TMEM275: variants seen among roughly 807,000 people sequenced by gnomAD.
TMEM275 encodes transmembrane protein 275.
At position 46,534,377 on chromosome 1, in the gene TMEM275, C is replaced by T. The variant is rs577941726; in HGVS notation, c.-123-727G>A. 3.3e-5 allele frequency among the ~76,000 whole-genome samples: 5 copies of T among 152,274 alleles called. No homozygotes were observed. The South Asian group carries it at 6.2e-4, about 19-fold the overall frequency. On this transcript the variant is annotated intron_variant, in intron 1 of 1. Transcript: ENST00000634804. ...CAGTGAGAGGGCACAGTCCCCACAT[C>T]GGCTGGCTTGGGCTGGAGCAGATCT...
In TMEM275 at chr1:46,534,908, T is replaced by A. The variant is rs536953357; in HGVS notation, c.-123-1258A>T. Among the ~76,000 whole-genome samples the A allele has an allele frequency of 4.6e-5, 7 of 152,274 alleles. 1 individual carries two copies. The South Asian group carries it at 1.5e-3, about 32-fold the overall frequency. ...CTCTTCTGTAATGTGGGGCTAATCA[T>A]AGAACCCACCTCATAGGGTACAGTG... On this transcript the variant is annotated intron_variant, in intron 1 of 1. Coordinates refer to ENST00000634804, the Ensembl canonical transcript of TMEM275.
At position 46,533,486 on chromosome 1, in the gene TMEM275, C is replaced by G; in HGVS notation, c.42G>C (p.Ala14=). The G allele has an allele frequency of 5.1e-6, 2 of 389,180 alleles. No homozygotes were observed. 24.1% of individuals were successfully genotyped at this position (389,180 alleles called of 1,614,324 possible). A position where few individuals can be genotyped will look rare whatever the true frequency, so the allele number is the denominator to read the frequency against. ...CCCGGCCCCGGGCGCGTTCCGCGGG[C>G]GCCGGGACCGGTGGCCCCTCGCTCT... is the stretch of plus-strand genomic sequence containing the variant. Residue 14 remains alanine (A), a synonymous_variant, in exon 2 of 2, where the codon GCG becomes GCC. Coordinates refer to ENST00000634804, the Ensembl canonical transcript of TMEM275. This position sits in a 1 kb window ranked among gnomAD's most constrained non-coding sequence, Gnocchi z 4.4.
Position 46,533,741 on chromosome 1 carries a change from G to A in TMEM275, c.-123-91C>T, listed in dbSNP as rs574068219. On this transcript the variant is annotated intron_variant, in intron 1 of 1. Coordinates refer to ENST00000634804, the Ensembl canonical transcript of TMEM275. This position sits in a 1 kb window ranked among gnomAD's most constrained non-coding sequence, Gnocchi z 4.4. ...TGTAGCTACACTGAGTGCCTGGGTG[G>A]GCAGAGGTCATCTTGGCCAGCCCCC... 2.8e-6 allele frequency: 1 copy of A among 360,802 alleles called. No individual in the cohort carries two copies. The highest frequency in any genetic ancestry group is 2.1e-5 in the African/African-American group (1 of 47,276). 22.4% of individuals were successfully genotyped at this position (360,802 alleles called of 1,614,324 possible). A position where few individuals can be genotyped will look rare whatever the true frequency, so the allele number is the denominator to read the frequency against.
chr1:46,532,839 C>T (rs1303173321), exon 2 of TMEM275: 2 of 383,724 alleles, frequency 5.2e-6, no homozygotes, highest in East Asian at 3.7e-5. Context: ...GATGAGGCCA[C>T]CTGAGCCCAG....
At chr1:46,534,668 A>G (rs1666714265) in intron 1 of TMEM275, among the ~76,000 whole-genome samples, 85 bp from the exon 2 acceptor site, 1 of 152,254 alleles carries the variant, frequency 6.6e-6, no homozygotes, top group Non-Finnish European at 1.5e-5. Flanking sequence ...TCTATAACGC[A>G]TAAGATCATA....
Position 46,533,564 on chromosome 1 carries a change from C to T in TMEM275, c.-37G>A. ...CGCCAGGCACGCATCAAGCTCCCTC[C>T]TGCCGCCGGCCCGGAACAGCCCAAC... is the stretch of plus-strand genomic sequence containing the variant. On this transcript the variant is annotated 5_prime_UTR_variant, in exon 2 of 2. Coordinates refer to ENST00000634804, the Ensembl canonical transcript of TMEM275. The surrounding 1 kb of genome is among the most constrained non-coding windows in gnomAD (Gnocchi z 4.4). The T allele has an allele frequency of 2.6e-6, 1 of 387,392 alleles. No individual in the cohort carries two copies. The allele number at this position is 387,392 out of a possible 1,614,324, so 24.0% of individuals were successfully genotyped here.
At position 46,533,547 on chromosome 1, in the gene TMEM275, A is replaced by G. The variant is rs1184807745; in HGVS notation, c.-20T>C. On this transcript the variant is annotated 5_prime_UTR_variant, in exon 2 of 2. Transcript: ENST00000634804. This position sits in a 1 kb window ranked among gnomAD's most constrained non-coding sequence, Gnocchi z 4.4. The stretch of plus-strand genomic sequence containing the variant: ...CGGCATCGGCCTGCGCACGCCAGGC[A>G]CGCATCAAGCTCCCTCCTGCCGCCG... 2.8e-5 allele frequency: 11 copies of G among 387,946 alleles called. No individual in the cohort carries two copies. The highest frequency in any genetic ancestry group is 4.2e-5 in the African/African-American group (2 of 48,066). The allele number at this position is 387,946 out of a possible 1,614,324, so 24.0% of individuals were successfully genotyped here. A position where few individuals can be genotyped will look rare whatever the true frequency, so the allele number is the denominator to read the frequency against.
Position 46,533,408 on chromosome 1 carries a change from C to G in TMEM275, c.120G>C (p.Leu40=), listed in dbSNP as rs1434328330. ...CCAGCGTCACGTTCACGCCCGCCAG[C>G]AGCGCGCACAGACCGCAGGCGCAGC... is the stretch of plus-strand genomic sequence containing the variant. Residue 40 remains leucine (L), a synonymous_variant, in exon 2 of 2, where the codon CTG becomes CTC. Transcript: ENST00000634804. The surrounding 1 kb of genome is among the most constrained non-coding windows in gnomAD (Gnocchi z 4.4). The G allele has an allele frequency of 1.6e-5, 6 of 378,836 alleles. No individual in the cohort carries two copies. In the East Asian group the frequency reaches 2.3e-4, roughly 14 times the overall value. 23.5% of individuals were successfully genotyped at this position (378,836 alleles called of 1,614,324 possible). A position where few individuals can be genotyped will look rare whatever the true frequency, so the allele number is the denominator to read the frequency against.
chr1:46,533,870 C>T lies in TMEM275; in HGVS notation c.-123-220G>A, dbSNP rs946217687. Reference sequence around the variant, plus strand: ...CTCGTGGCCAATCTTGCCATCCTCCCTCTCTCCTCACTTTTTTGTCCTCCA... The same window carrying T: ...CTCGTGGCCAATCTTGCCATCCTCCTTCTCTCCTCACTTTTTTGTCCTCCA... On this transcript the variant is annotated intron_variant, in intron 1 of 1. Coordinates refer to ENST00000634804, the Ensembl canonical transcript of TMEM275. The surrounding 1 kb of genome is among the most constrained non-coding windows in gnomAD (Gnocchi z 4.4). Among the ~76,000 whole-genome samples the T allele has an allele frequency of 1.3e-5, 2 of 152,174 alleles. No homozygotes were observed. Among genetic ancestry groups the T allele is most frequent in the African/African-American group, 2.4e-5 (1 of 41,428 alleles).
chr1:46,535,259 A>G (rs1016642032), intron 1 of TMEM275, among the ~76,000 whole-genome samples: 1 of 152,194 alleles, frequency 6.6e-6, no homozygotes, highest in African/African-American at 2.4e-5. Context: ...GCCTGTCCAG[A>G]GCTGATGACT....
In TMEM275 at chr1:46,533,495, C is replaced by A. The variant is rs1353945048; in HGVS notation, c.33G>T (p.Pro11=). Residue 11 remains proline, a synonymous_variant, in exon 2 of 2, where the codon CCG becomes CCT. Transcript: ENST00000634804. This position sits in a 1 kb window ranked among gnomAD's most constrained non-coding sequence, Gnocchi z 4.4. The stretch of plus-strand genomic sequence containing the variant: ...GGGCGCGTTCCGCGGGCGCCGGGAC[C>A]GGTGGCCCCTCGCTCTTTTCTGCCG... 2.6e-6 allele frequency: 1 copy of A among 389,086 alleles called. No homozygotes were observed. The highest frequency in any genetic ancestry group is 1.3e-4 in the South Asian group (1 of 7,768). 24.1% of individuals were successfully genotyped at this position (389,086 alleles called of 1,614,324 possible).
chr1:46,533,502 C>T lies in TMEM275; in HGVS notation c.26G>A (p.Gly9Glu), dbSNP rs1055065648. ...TTCCGCGGGCGCCGGGACCGGTGGC[C>T]CCTCGCTCTTTTCTGCCGGCGGCAT... The change falls in exon 2 of 2, where the codon GGG (glycine) becomes GAG (glutamate). Residue 9 changes from glycine (G) to glutamate (E), a missense_variant. Gly to Glu is a moderately conservative substitution (Grantham distance 98). Coordinates refer to ENST00000634804, the Ensembl canonical transcript of TMEM275. This position sits in a 1 kb window ranked among gnomAD's most constrained non-coding sequence, Gnocchi z 4.4. 2 of 388,984 alleles carry T rather than the reference C, an allele frequency of 5.1e-6. No individual in the cohort carries two copies. Among genetic ancestry groups the T allele is most frequent in the Non-Finnish European group, 9.1e-6 (2 of 219,838 alleles). The allele number at this position is 388,984 out of a possible 1,614,324, so 24.1% of individuals were successfully genotyped here. A position where few individuals can be genotyped will look rare whatever the true frequency, so the allele number is the denominator to read the frequency against.
chr1:46,534,439 T>G lies in TMEM275; in HGVS notation c.-123-789A>C, dbSNP rs1289763217. Among the ~76,000 whole-genome samples, 1 of 152,162 alleles carries G rather than the reference T, an allele frequency of 6.6e-6. No individual in the cohort carries two copies. The highest frequency in any genetic ancestry group is 1.5e-5 in the Non-Finnish European group (1 of 68,036). Reference sequence around the variant, plus strand: ...GCCCTTTCTAGACTGGGCATTCTATTAAATTCCAATCCTACCTCCATTCCA... The same window carrying G: ...GCCCTTTCTAGACTGGGCATTCTATGAAATTCCAATCCTACCTCCATTCCA... On this transcript the variant is annotated intron_variant, in intron 1 of 1. Transcript: ENST00000634804.
chr1:46,534,696 C>T (rs761575207), intron 1 of TMEM275, among the ~76,000 whole-genome samples, 113 bp from the exon 2 acceptor site: 20 of 152,178 alleles, frequency 1.3e-4, no homozygotes, highest in Non-Finnish European at 2.5e-4. Flanking sequence ...CAAAGGCCCT[C>T]AAAGGACGAG....
chr1:46,532,795 C>T, exon 2 of TMEM275: 1 of 376,534 alleles, frequency 2.7e-6, no homozygotes, highest in Non-Finnish European at 4.7e-6. Flanking sequence ...GACACCATCA[C>T]CACATTCTAC....
chr1:46,533,458 G>A lies in TMEM275; in HGVS notation c.70C>T (p.Pro24Ser), dbSNP rs1666697466. 3 of 385,518 alleles carry A rather than the reference G, an allele frequency of 7.8e-6. No homozygotes were observed. Among genetic ancestry groups the A allele is most frequent in the Admixed American group, 4.5e-5 (1 of 22,206 alleles). The allele number at this position is 385,518 out of a possible 1,614,324, so 23.9% of individuals were successfully genotyped here. The change falls in exon 2 of 2, where the codon CCC (proline) becomes TCC (serine). Residue 24 changes from proline (P) to serine (S), a missense_variant. Coordinates refer to ENST00000634804, the Ensembl canonical transcript of TMEM275. This position sits in a 1 kb window ranked among gnomAD's most constrained non-coding sequence, Gnocchi z 4.4. ...CACAGCGCCGGCGACGGCAGGCCGGGCACCCGGCCCCGGGCGCGTTCCGCG... is the reference window on the plus strand; with the variant it reads ...CACAGCGCCGGCGACGGCAGGCCGGACACCCGGCCCCGGGCGCGTTCCGCG...
exon 2 of TMEM275, chr1:46,532,852 C>G (rs1666683830): frequency 2.6e-6 from 1 of 384,404 alleles, no homozygotes; most frequent in South Asian, 1.4e-4. Flanking sequence ...GAGCCCAGCA[C>G]CAGACCCTTG....
exon 2 of TMEM275, chr1:46,532,829 G>C (rs1454892349): frequency 4.7e-5 from 18 of 382,752 alleles, no homozygotes; most frequent in Non-Finnish European, 7.4e-5. Flanking sequence ...AGATGGAAAA[G>C]ATGAGGCCAC....
chr1:46,532,605 C>G, exon 2 of TMEM275: 1 of 162,402 alleles, frequency 6.2e-6, no homozygotes, highest in Non-Finnish European at 1.3e-5. Context: ...TGGTTAGCCC[C>G]TTCAGGGTGG....
Sources: allele counts gnomAD v4.1 joint callset (sites outside exome capture counted in the v4.1 genomes callset), GRCh38; gene constraint gnomAD v4.1.1; non-coding constraint Gnocchi (gnomAD v3.1); transcripts MANE v1.5; gene names NCBI Gene and HGNC (gene_info 2026-07-23, HGNC 2026-07-21).